Variants in RPS6KA5 observed in about 807,000 individuals in gnomAD.
The protein encoded by RPS6KA5 is ribosomal protein S6 kinase A5.
In RPS6KA5, 27 loss-of-function variants were observed where a neutral mutation model predicts 85.5. The observed-to-expected ratio is 0.32, with a 90% CI of 0.23 to 0.44. The LOEUF is 0.44. Among genes scored for constraint, RPS6KA5 ranks in the 20% least tolerant of loss-of-function variants. The pLI is 1.00. For missense variants in RPS6KA5, 811 were observed against 980.9 expected (o/e 0.83, Z 2.31); for synonymous variants, 334 against 348.2 (o/e 0.96, Z 0.46).
Position 90,850,463 on chromosome 14 carries a change from C to CAAAAAA in RPS6KA5, c.*21605_*21610dup, listed in dbSNP as rs5810522. The stretch of plus-strand genomic sequence containing the variant: ...AACCTAATCAATGTGGGAAACCATA[C>CAAAAAA]AAAAAAAAAAAAAAAAAACAGAAAA... On this transcript the variant is annotated 3_prime_UTR_variant, in exon 17 of 17. Transcript: ENST00000614987. 7 of 129,032 alleles carry CAAAAAA rather than the reference C, an allele frequency of 5.4e-5. No individual in the cohort carries two copies. Among genetic ancestry groups the CAAAAAA allele is most frequent in the African/African-American group, 1.7e-4 (6 of 35,326 alleles). 8.0% of individuals were successfully genotyped at this position (129,032 alleles called of 1,614,324 possible).
At chr14:91,050,460 ACT>A (rs1280368414) in intron 1 of RPS6KA5, among the ~76,000 whole-genome samples, 8 of 152,032 alleles carry the variant, frequency 5.3e-5, no homozygotes, top group African/African-American at 1.9e-4. Flanking sequence ...GCACAGTCTG[ACT>A]CTGTCCCTCA....
At chr14:91,057,014 G>A (rs1163809384) in intron 1 of RPS6KA5, among the ~76,000 whole-genome samples, 2 of 150,666 alleles carry the variant, frequency 1.3e-5, no homozygotes, top group Non-Finnish European at 3.0e-5. Context: ...CGAGTAGCTG[G>A]GACTACAGGT....
At chr14:91,023,008 C>T (rs1476482124) in intron 1 of RPS6KA5, among the ~76,000 whole-genome samples, 1 of 145,510 alleles carries the variant, frequency 6.9e-6, no homozygotes, top group Admixed American at 7.2e-5. Flanking sequence ...TCACTTGAAC[C>T]GAGGAGGCGG....
intron 15 of RPS6KA5, 107 bp downstream of exon 15, chr14:90,875,094 C>T: frequency 9.0e-7 from 1 of 1,109,712 alleles, no homozygotes; most frequent in Admixed American, 2.2e-5. Context: ...TTTTAGAATA[C>T]ACATGGATTC....
chr14:90,949,470 G>C (rs572637736), intron 3 of RPS6KA5, among the ~76,000 whole-genome samples: 2 of 152,250 alleles, frequency 1.3e-5, no homozygotes, highest in East Asian at 3.9e-4. Flanking sequence ...ACTCATCATA[G>C]TGCCTGCATG....
chr14:90,922,764 A>C (rs965242597), intron 6 of RPS6KA5, among the ~76,000 whole-genome samples: 3 of 152,130 alleles, frequency 2.0e-5, no homozygotes, highest in African/African-American at 4.8e-5. Context: ...CATAGTTTGT[A>C]CTCTAAGAAA....
At chr14:90,980,026 T>C (rs1205817866) in intron 2 of RPS6KA5, among the ~76,000 whole-genome samples, 1 of 152,232 alleles carries the variant, frequency 6.6e-6, no homozygotes, top group East Asian at 1.9e-4. Flanking sequence ...ACAGAAAAAG[T>C]TCACAAAGGT....
At chr14:90,904,171 G>A (rs56303520) in intron 8 of RPS6KA5, among the ~76,000 whole-genome samples, 7,139 of 152,122 alleles carry the variant, frequency 0.047, 424 homozygotes, top group African/African-American at 0.14. Context: ...GGATGGTCTC[G>A]ATCTCCTGAC....
At chr14:90,881,215 C>T (rs182056827) in intron 14 of RPS6KA5, among the ~76,000 whole-genome samples, 1 of 151,652 alleles carries the variant, frequency 6.6e-6, no homozygotes, top group Non-Finnish European at 1.5e-5. Flanking sequence ...CTTTGGGAGG[C>T]TAAGGCAGTC....
chr14:91,016,455 A>C (rs1485582190), intron 1 of RPS6KA5, among the ~76,000 whole-genome samples: 1 of 152,184 alleles, frequency 6.6e-6, no homozygotes, highest in African/African-American at 2.4e-5. Context: ...CTTTGTTCAT[A>C]ATCACCAATT....
At position 90,865,498 on chromosome 14, in the gene RPS6KA5, G is replaced by A. The variant is rs755562280; in HGVS notation, c.*6576C>T. 6.6e-6 allele frequency: 1 copy of A among 152,214 alleles called. No individual in the cohort carries two copies. Among genetic ancestry groups the A allele is most frequent in the Non-Finnish European group, 1.5e-5 (1 of 68,046 alleles). The allele number at this position is 152,214 out of a possible 1,614,324, so 9.4% of individuals were successfully genotyped here. A position where few individuals can be genotyped will look rare whatever the true frequency, so the allele number is the denominator to read the frequency against. On this transcript the variant is annotated 3_prime_UTR_variant, in exon 17 of 17. Coordinates refer to ENST00000614987, the MANE Select transcript of RPS6KA5 (RefSeq NM_004755.4). ...TGGTGGTTATGTATGAGGACTGACT[G>A]GGAGCCTCATCTTGATCTGAATGAT... is the stretch of plus-strand genomic sequence containing the variant.
intron 3 of RPS6KA5, among the ~76,000 whole-genome samples, chr14:90,960,539 G>A (rs1161367161): frequency 2.0e-5 from 3 of 152,060 alleles, no homozygotes; most frequent in Admixed American, 6.6e-5. Context: ...AACCTCCAGA[G>A]CTTTTAGATC....
intron 2 of RPS6KA5, among the ~76,000 whole-genome samples, chr14:90,997,181 A>T (rs995164985): frequency 7.2e-5 from 11 of 152,236 alleles, no homozygotes; most frequent in African/African-American, 2.7e-4. Flanking sequence ...AAAATTATTT[A>T]ACCTGACCTG....
At chr14:91,027,794 C>T (rs970292978) in intron 1 of RPS6KA5, among the ~76,000 whole-genome samples, 2 of 152,148 alleles carry the variant, frequency 1.3e-5, no homozygotes, top group Admixed American at 6.5e-5. Context: ...GTTACACTGA[C>T]AGTTAAATAC....
chr14:90,912,643 T>C (rs2035892248), intron 7 of RPS6KA5, among the ~76,000 whole-genome samples: 1 of 152,214 alleles, frequency 6.6e-6, no homozygotes, highest in South Asian at 2.1e-4. Flanking sequence ...TCTGTCTTCC[T>C]TTAGCTATGA....
chr14:91,030,611 GAAAAAAAA>G (rs58737573), intron 1 of RPS6KA5, among the ~76,000 whole-genome samples: 16 of 22,072 alleles, frequency 7.2e-4, no homozygotes, highest in South Asian at 5.0e-3. Flanking sequence ...AAAATAAACA[GAAAAAAAA>G]AAAAAAAAAA....
At chr14:90,922,391 C>G (rs1275161784) in intron 6 of RPS6KA5, among the ~76,000 whole-genome samples, 1 of 152,226 alleles carries the variant, frequency 6.6e-6, no homozygotes, top group Non-Finnish European at 1.5e-5. Flanking sequence ...CGTGACCCTT[C>G]TGTATTGCAT....
intron 7 of RPS6KA5, among the ~76,000 whole-genome samples, chr14:90,912,305 G>A (rs1176269607): frequency 6.6e-6 from 1 of 152,100 alleles, no homozygotes; most frequent in Non-Finnish European, 1.5e-5. Context: ...CCTGCAGTCC[G>A]TGGGCCAGTA....
chr14:90,853,377 T>C lies in RPS6KA5; in HGVS notation c.*18697A>G, dbSNP rs2032106856. 1 of 151,978 alleles carries C rather than the reference T, an allele frequency of 6.6e-6. No individual in the cohort carries two copies. Among genetic ancestry groups the C allele is most frequent in the Non-Finnish European group, 1.5e-5 (1 of 67,988 alleles). 9.4% of individuals were successfully genotyped at this position (151,978 alleles called of 1,614,324 possible). A position where few individuals can be genotyped will look rare whatever the true frequency, so the allele number is the denominator to read the frequency against. ...GATTCATCAAACTAAGATCTCCCAT[T>C]AAGACATCAACAATGAAGTGGCTAA... is the stretch of plus-strand genomic sequence containing the variant. On this transcript the variant is annotated 3_prime_UTR_variant, in exon 17 of 17. Transcript: ENST00000614987.
Sources: allele counts gnomAD v4.1 joint callset (sites outside exome capture counted in the v4.1 genomes callset), GRCh38; gene constraint gnomAD v4.1.1; transcripts MANE v1.5; gene names NCBI Gene and HGNC (gene_info 2026-07-23, HGNC 2026-07-21).